GRID2: variants seen among roughly 807,000 people sequenced by gnomAD.
GRID2 encodes the protein glutamate ionotropic receptor delta type subunit 2.
GRID2 carries 33 observed loss-of-function variants against 114.8 expected under a neutral mutation model. The ratio of observed to expected loss-of-function variants is 0.29; its 90% CI spans 0.22 to 0.38. GRID2 has a LOEUF of 0.38. GRID2 is among the 10% of genes least tolerant of loss of function. The pLI is 1.00. For missense variants in GRID2, 1,184 were observed against 1,257.7 expected, an observed-to-expected ratio of 0.94 and a Z score of 0.89; for synonymous variants, 505 against 449.9, an observed-to-expected ratio of 1.12 and a Z score of -1.55.
intron 13 of GRID2, among the ~76,000 whole-genome samples, chr4:93,538,707 A>G (rs1159717048): frequency 6.6e-6 from 1 of 151,818 alleles, no homozygotes; most frequent in Non-Finnish European, 1.5e-5. Flanking sequence ...GAGAAAAGAA[A>G]TCAGATAAAC....
At chr4:93,098,304 A>T (rs1284681318) in intron 3 of GRID2, among the ~76,000 whole-genome samples, 3 of 151,992 alleles carry the variant, frequency 2.0e-5, no homozygotes, top group Non-Finnish European at 4.4e-5. Context: ...TTTCAACCAA[A>T]TGCCTTCCAA....
rs139827413 is a variant in GRID2 at position 93,348,728 on chromosome 4, T to C, written c.1246-46879T>C. ...CATTCTACTGGACCTCTGCTTAGCATATTCTGGGTATATATCAGCATGGGT... is the reference window on the plus strand; with the variant it reads ...CATTCTACTGGACCTCTGCTTAGCACATTCTGGGTATATATCAGCATGGGT... On this transcript the variant is annotated intron_variant, in intron 8 of 15. Transcript: ENST00000282020. 2.6e-5 allele frequency among the ~76,000 whole-genome samples: 4 copies of C among 152,228 alleles called. No individual in the cohort carries two copies. The East Asian group carries it at 5.8e-4, about 22-fold the overall frequency.
chr4:93,354,671 CGTGTGTGTGTGTGTGT>C (rs35452796), intron 8 of GRID2, among the ~76,000 whole-genome samples: 71 of 130,288 alleles, frequency 5.4e-4, no homozygotes, highest in Admixed American at 1.9e-3. Flanking sequence ...GTGGCTCATC[CGTGTGTGTGTGTGTGT>C]GTGTGTGTGT....
At chr4:93,392,344 C>T (rs1169465149) in intron 8 of GRID2, among the ~76,000 whole-genome samples, 4 of 152,090 alleles carry the variant, frequency 2.6e-5, no homozygotes, top group Non-Finnish European at 5.9e-5. Context: ...AACCAGAGGA[C>T]TTGTTAGATA....
intron 1 of GRID2, among the ~76,000 whole-genome samples, chr4:92,469,890 A>G (rs774860507): frequency 3.3e-5 from 5 of 151,940 alleles, no homozygotes; most frequent in Non-Finnish European, 7.4e-5. Context: ...CTTTTAGAAT[A>G]TTTTCACAAT....
chr4:92,579,354 T>A (rs1728064149), intron 1 of GRID2, among the ~76,000 whole-genome samples: 1 of 152,100 alleles, frequency 6.6e-6, no homozygotes, highest in Admixed American at 6.6e-5. Flanking sequence ...TTTCCAGCTC[T>A]TTTTTGTTTC....
At chr4:93,786,696 T>C (rs756803250) in intron 1 of GRID2, among the ~76,000 whole-genome samples, 3 of 152,164 alleles carry the variant, frequency 2.0e-5, no homozygotes, top group Non-Finnish European at 2.9e-5. Context: ...TTAAGAAGAA[T>C]AAAGAATAGA....
At chr4:93,087,038 A>ATTTATTTATTTG (rs1730390631) in intron 3 of GRID2, among the ~76,000 whole-genome samples, 1 of 151,242 alleles carries the variant, frequency 6.6e-6, no homozygotes, top group Non-Finnish European at 1.5e-5. Flanking sequence ...TTATTTATTT[A>ATTTATTTATTTG]TTTATTTATT....
intron 2 of GRID2, among the ~76,000 whole-genome samples, chr4:92,659,847 G>A (rs1182426722): frequency 6.6e-6 from 1 of 151,194 alleles, no homozygotes; most frequent in Non-Finnish European, 1.5e-5. Context: ...TTCCATTTTT[G>A]TAAGCAGCAT....
chr4:92,957,898 C>T (rs1015641384), intron 2 of GRID2, among the ~76,000 whole-genome samples: 2 of 151,474 alleles, frequency 1.3e-5, no homozygotes, highest in African/African-American at 4.8e-5. Context: ...TAAATATTTC[C>T]TTTTGGGGAT....
intron 2 of GRID2, among the ~76,000 whole-genome samples, chr4:92,940,449 A>T (rs186901078): frequency 2.0e-3 from 309 of 151,652 alleles, no homozygotes; most frequent in Non-Finnish European, 3.5e-3. Context: ...GTTGCTTATC[A>T]GCTTAAGGAG....
chr4:93,527,206 G>A (rs192508919), intron 13 of GRID2, among the ~76,000 whole-genome samples: 107 of 152,104 alleles, frequency 7.0e-4, no homozygotes, highest in African/African-American at 2.2e-3. Flanking sequence ...CTGTTTTTAT[G>A]TTTCTCAGAT....
At chr4:93,356,767 T>C (rs1229030680) in intron 8 of GRID2, among the ~76,000 whole-genome samples, 1 of 151,888 alleles carries the variant, frequency 6.6e-6, no homozygotes, top group Non-Finnish European at 1.5e-5. Flanking sequence ...CTTTGATACA[T>C]ATTTTTTCAT....
At chr4:93,534,497 C>G (rs1293574420) in intron 13 of GRID2, among the ~76,000 whole-genome samples, 1 of 152,042 alleles carries the variant, frequency 6.6e-6, no homozygotes, top group Non-Finnish European at 1.5e-5. Flanking sequence ...ATACCCTGCA[C>G]TAGAATGTAA....
chr4:93,773,232 A>G lies in GRID2; in HGVS notation c.*734A>G, dbSNP rs918980722. Reference sequence around the variant, plus strand: ...ATAAATTAGTATTTCATATATATACATATATATGCACCTATATAATGTGTA... The same window carrying G: ...ATAAATTAGTATTTCATATATATACGTATATATGCACCTATATAATGTGTA... On this transcript the variant is annotated 3_prime_UTR_variant, in exon 16 of 16. Transcript: ENST00000282020. The G allele has an allele frequency of 2.0e-5, 3 of 152,088 alleles. No individual in the cohort carries two copies. Among genetic ancestry groups the G allele is most frequent in the African/African-American group, 4.8e-5 (2 of 41,448 alleles). The allele number at this position is 152,088 out of a possible 1,614,324, so 9.4% of individuals were successfully genotyped here. A position where few individuals can be genotyped will look rare whatever the true frequency, so the allele number is the denominator to read the frequency against.
chr4:93,649,927 A>G (rs544383924), intron 14 of GRID2, among the ~76,000 whole-genome samples: 20 of 152,284 alleles, frequency 1.3e-4, no homozygotes, highest in African/African-American at 4.3e-4. Flanking sequence ...AAAAAAAAGA[A>G]AAACAGAATA....
At chr4:93,534,846 CTT>C (rs35860438) in intron 13 of GRID2, among the ~76,000 whole-genome samples, 6 of 138,232 alleles carry the variant, frequency 4.3e-5, no homozygotes, top group Admixed American at 1.4e-4. Context: ...CACATGGTTA[CTT>C]TTTTTTTTTT....
chr4:92,544,064 G>A (rs919130062), intron 1 of GRID2, among the ~76,000 whole-genome samples: 6 of 152,090 alleles, frequency 3.9e-5, no homozygotes, highest in Admixed American at 3.9e-4. Flanking sequence ...GAGCAGACAT[G>A]TTGCACATCA....
Position 92,716,010 on chromosome 4 carries a change from C to T in GRID2, c.244+125724C>T, listed in dbSNP as rs144604255. On this transcript the variant is annotated intron_variant, in intron 2 of 15. Transcript: ENST00000282020. ...TGTTTTCTGTCATTAGACATCTGAG[C>T]AGAATCAAATGACTCCTTTATAAAA... Among the ~76,000 whole-genome samples the T allele has an allele frequency of 6.8e-3, 1,039 of 152,242 alleles. 14 individuals carry two copies. The highest frequency in any genetic ancestry group is 0.022 in the African/African-American group (932 of 41,540).
Sources: allele counts gnomAD v4.1 joint callset (sites outside exome capture counted in the v4.1 genomes callset), GRCh38; gene constraint gnomAD v4.1.1; transcripts MANE v1.5; gene names NCBI Gene and HGNC (gene_info 2026-07-23, HGNC 2026-07-21).